The following CAMK4 variants were observed in gnomAD, a reference collection of about 807,000 sequenced individuals.
The protein encoded by CAMK4 is calcium/calmodulin-dependent protein kinase type IV.
In CAMK4, 22 loss-of-function variants were observed where a neutral mutation model predicts 44.9. The ratio of observed to expected loss-of-function variants is 0.49; its 90% CI spans 0.35 to 0.70. The LOEUF is 0.70. CAMK4 is among the 30% of genes least tolerant of loss of function. The probability of loss-of-function intolerance (pLI) is 0.01; values close to 1 mark genes in which losing one functional copy is unlikely to be tolerated. For missense variants in CAMK4, 498 were observed against 586.8 expected (o/e 0.85, Z 1.56); for synonymous variants, 218 against 215.4 (o/e 1.01, Z -0.11).
chr5:111,263,034 T>A (rs1394828710), intron 1 of CAMK4, among the ~76,000 whole-genome samples: 1 of 152,168 alleles, frequency 6.6e-6, no homozygotes, highest in Non-Finnish European at 1.5e-5. Flanking sequence ...CTAATATAAG[T>A]GAATCATACT....
intron 1 of CAMK4, among the ~76,000 whole-genome samples, chr5:111,240,765 G>T (rs1044345329): frequency 1.3e-5 from 2 of 152,202 alleles, no homozygotes; most frequent in African/African-American, 4.8e-5. Flanking sequence ...AGCCTTTCAA[G>T]TTGTTCTCTG....
chr5:111,391,166 T>G (rs1224571249), intron 4 of CAMK4, among the ~76,000 whole-genome samples: 2 of 152,022 alleles, frequency 1.3e-5, no homozygotes, highest in Non-Finnish European at 2.9e-5. Flanking sequence ...TAGGAAAAAC[T>G]GCTAGGAAGA....
chr5:111,360,306 C>A (rs1392499398), intron 2 of CAMK4, among the ~76,000 whole-genome samples: 2 of 152,088 alleles, frequency 1.3e-5, no homozygotes, highest in South Asian at 4.2e-4. Context: ...CTTAGATAAC[C>A]CAGGGAAGCG....
chr5:111,311,438 A>G (rs1748200097), intron 1 of CAMK4, among the ~76,000 whole-genome samples: 1 of 152,178 alleles, frequency 6.6e-6, no homozygotes, highest in Non-Finnish European at 1.5e-5. Context: ...AAAACTCTAA[A>G]TAGATGATAC....
chr5:111,416,792 AG>A (rs1302920511), intron 5 of CAMK4, among the ~76,000 whole-genome samples: 1 of 152,234 alleles, frequency 6.6e-6, no homozygotes, highest in Non-Finnish European at 1.5e-5. Flanking sequence ...CTGATAAATT[AG>A]GAAGACACTA....
rs1749403984 is a variant in CAMK4, at chr5:111,336,398, A to G, written c.162-7626A>G. ...TCAAAATAGTTTTTATTTTTATATGAACATGCTGAAAATGTGATTGCTTTC... is the reference window on the plus strand; with the variant it reads ...TCAAAATAGTTTTTATTTTTATATGGACATGCTGAAAATGTGATTGCTTTC... On this transcript the variant is annotated intron_variant, in intron 1 of 10. Transcript: ENST00000282356. Among the ~76,000 whole-genome samples the G allele has an allele frequency of 5.3e-5, 8 of 151,158 alleles. No individual in the cohort carries two copies. In the Admixed American group the frequency reaches 5.3e-4, roughly 10 times the overall value.
rs1299737996 is a variant in CAMK4, at chr5:111,492,449, GTGAGGGGAAAGATAACAAAA to G, written c.*7986_*8005del. ...TGTAGCAGAGACTTTACTGGAATGA[GTGAGGGGAAAGATAACAAAA>G]TGTAGATTAGGATTCCACATTCTCC... On this transcript the variant is annotated 3_prime_UTR_variant, in exon 11 of 11. Coordinates refer to ENST00000282356, the MANE Select transcript of CAMK4 (RefSeq NM_001744.6). 6.6e-6 allele frequency: 1 copy of G among 152,186 alleles called. No individual in the cohort carries two copies. Among genetic ancestry groups the G allele is most frequent in the East Asian group, 1.9e-4 (1 of 5,200 alleles). 9.4% of individuals were successfully genotyped at this position (152,186 alleles called of 1,614,324 possible). A position where few individuals can be genotyped will look rare whatever the true frequency, so the allele number is the denominator to read the frequency against.
At chr5:111,326,219 T>C (rs898609580) in intron 1 of CAMK4, among the ~76,000 whole-genome samples, 12 of 151,864 alleles carry the variant, frequency 7.9e-5, no homozygotes, top group African/African-American at 2.9e-4. Flanking sequence ...AGCAAGACTG[T>C]TGAAGAAAAC....
rs3066636 is a variant in CAMK4 at position 111,317,898 on chromosome 5, T to TAAAAAAAAAAAAAAAAAAA, written c.162-26114_162-26096dup. 5.7e-5 allele frequency among the ~76,000 whole-genome samples: 4 copies of TAAAAAAAAAAAAAAAAAAA among 69,832 alleles called. 1 individual carries two copies. Among genetic ancestry groups the TAAAAAAAAAAAAAAAAAAA allele is most frequent in the African/African-American group, 1.0e-4 (2 of 19,436 alleles). 45.8% of individuals were successfully genotyped at this position (69,832 alleles called of 152,430 possible). A position where few individuals can be genotyped will look rare whatever the true frequency, so the allele number is the denominator to read the frequency against. ...ATCCTAAAGCCGGTGGAGTAATATG[T>TAAAAAAAAAAAAAAAAAAA]AAAAAAAAAAAAAAAAAAAAAAAAA... On this transcript the variant is annotated intron_variant, in intron 1 of 10. Coordinates refer to ENST00000282356, the MANE Select transcript of CAMK4 (RefSeq NM_001744.6).
intron 7 of CAMK4, among the ~76,000 whole-genome samples, chr5:111,472,286 C>T (rs1181785288): frequency 6.6e-6 from 1 of 152,114 alleles, no homozygotes; most frequent in Non-Finnish European, 1.5e-5. Flanking sequence ...ACCCCTATCC[C>T]AGAGAATGGT....
At chr5:111,240,112 C>A (rs1487650199) in intron 1 of CAMK4, among the ~76,000 whole-genome samples, 2 of 151,464 alleles carry the variant, frequency 1.3e-5, no homozygotes, top group African/African-American at 2.4e-5. Context: ...TTTTTTTCTT[C>A]TAAAAGGGTG....
intron 5 of CAMK4, among the ~76,000 whole-genome samples, chr5:111,418,798 T>G (rs1752910769): frequency 6.6e-6 from 1 of 152,194 alleles, no homozygotes; most frequent in Admixed American, 6.5e-5. Flanking sequence ...CTGCATAGTA[T>G]TCCATGGAGT....
intron 8 of CAMK4, 63 bp downstream of exon 8, chr5:111,473,449 C>T: frequency 1.0e-6 from 1 of 997,926 alleles, no homozygotes; most frequent in Non-Finnish European, 1.6e-6. Context: ...TTCTAGATAC[C>T]TCTAATGCTC....
intron 4 of CAMK4, among the ~76,000 whole-genome samples, chr5:111,385,264 G>T (rs1240706259): frequency 2.6e-5 from 4 of 152,022 alleles, no homozygotes. Context: ...TATAATTAGG[G>T]CATAAACACA....
At chr5:111,372,163 T>C (rs1751032997) in intron 2 of CAMK4, among the ~76,000 whole-genome samples, 1 of 152,194 alleles carries the variant, frequency 6.6e-6, no homozygotes, top group African/African-American at 2.4e-5. Context: ...GTCTGGGACA[T>C]GGAAGAAACT....
At chr5:111,420,034 A>G (rs901706520) in intron 5 of CAMK4, among the ~76,000 whole-genome samples, 4 of 152,076 alleles carry the variant, frequency 2.6e-5, no homozygotes, top group African/African-American at 9.6e-5. Flanking sequence ...TACCTTGGGC[A>G]GTATGGCCAT....
intron 1 of CAMK4, among the ~76,000 whole-genome samples, chr5:111,255,166 A>C (rs1053900345): frequency 2.6e-5 from 4 of 152,112 alleles, no homozygotes; most frequent in African/African-American, 9.7e-5. Context: ...TTGAAGGTCT[A>C]ATTTTGTAGT....
intron 1 of CAMK4, among the ~76,000 whole-genome samples, chr5:111,270,942 A>G (rs957581817): frequency 1.3e-5 from 2 of 152,198 alleles, no homozygotes; most frequent in African/African-American, 4.8e-5. Context: ...GAAACTTACA[A>G]TCATGGCAGA....
intron 1 of CAMK4, among the ~76,000 whole-genome samples, chr5:111,333,677 C>A (rs1749274316): frequency 6.6e-6 from 1 of 151,500 alleles, no homozygotes; most frequent in Non-Finnish European, 1.5e-5. Context: ...AGCACTAGGT[C>A]CAAAGTCACA....
Sources: gnomAD v4.1 joint callset for allele counts (sites outside exome capture counted in the v4.1 genomes callset) on GRCh38, gnomAD v4.1.1 for gene constraint, MANE v1.5 for transcripts, NCBI Gene and HGNC (gene_info 2026-07-23, HGNC 2026-07-21) for gene names.